The following CUX2 variants were observed in gnomAD, a reference collection of about 807,000 sequenced individuals.
The protein encoded by CUX2 is homeobox protein cut-like 2.
Under a neutral mutation model 144.8 loss-of-function variants are expected in CUX2, and 40 were observed. The observed-to-expected ratio is 0.28, with a 90% confidence interval of 0.21 to 0.36. CUX2 has a LOEUF of 0.36. Ranked by LOEUF, CUX2 falls within the 10% of genes least tolerant of loss-of-function variation. The pLI is 1.00. For missense variants in CUX2, 1,615 were observed against 1,994.0 expected, an observed-to-expected ratio of 0.81 and a Z score of 3.62; for synonymous variants, 827 against 875.6, an observed-to-expected ratio of 0.94 and a Z score of 0.98.
intron 1 of CUX2, among the ~76,000 whole-genome samples, chr12:111,131,667 AC>A (rs1389039764): frequency 5.3e-5 from 8 of 152,210 alleles, no homozygotes; most frequent in African/African-American, 1.7e-4. Flanking sequence ...ATTGGCCAAA[AC>A]AAAGGGGTTA....
intron 18 of CUX2, among the ~76,000 whole-genome samples, chr12:111,330,087 G>A (rs10849935): frequency 0.39 from 59,893 of 152,060 alleles, 15,218 homozygotes; most frequent in East Asian, 0.78. Context: ...ACATGCCCAC[G>A]TCAGCCTTGG....
chr12:111,154,106 G>T (rs1214045357), intron 1 of CUX2, among the ~76,000 whole-genome samples: 2 of 151,968 alleles, frequency 1.3e-5, no homozygotes, highest in Non-Finnish European at 2.9e-5. Flanking sequence ...AGTTCTGGAG[G>T]TTAGGACTTC....
At chr12:111,145,483 C>A (rs1367072052) in intron 1 of CUX2, among the ~76,000 whole-genome samples, 2 of 152,180 alleles carry the variant, frequency 1.3e-5, no homozygotes, top group Non-Finnish European at 2.9e-5. Flanking sequence ...ATCCTCCCAC[C>A]TCAGCCTCCC....
intron 19 of CUX2, among the ~76,000 whole-genome samples, 164 bp downstream of exon 19, chr12:111,334,874 A>G (rs1183724328): frequency 1.3e-5 from 2 of 152,098 alleles, no homozygotes; most frequent in Non-Finnish European, 2.9e-5. Flanking sequence ...TTTGAGGCCA[A>G]CCTGGGCAGC....
rs764951435 is a variant in CUX2 at position 111,171,958 on chromosome 12, CGTGCATGTGCATGCACCTGTGTGT to C, written c.64-42238_64-42215del. 1.6e-4 allele frequency among the ~76,000 whole-genome samples: 25 copies of C among 151,922 alleles called. No individual in the cohort carries two copies. Among genetic ancestry groups the C allele is most frequent in the Non-Finnish European group, 2.8e-4 (19 of 67,962 alleles). Reference sequence around the variant, plus strand: ...GCCTGTGTACACGTGCGTGTGTGTGCGTGCATGTGCATGCACCTGTGTGTGTGTGCATGTGCCTGTGTGTGCGCA... The same window carrying C: ...GCCTGTGTACACGTGCGTGTGTGTGCGTGTGCATGTGCCTGTGTGTGCGCA... On this transcript the variant is annotated intron_variant, in intron 1 of 21. Transcript: ENST00000261726. The surrounding 1 kb of genome is among the most constrained non-coding windows in gnomAD (Gnocchi z 5.0).
chr12:111,337,185 A>G (rs1451989843), intron 19 of CUX2, among the ~76,000 whole-genome samples: 1 of 151,808 alleles, frequency 6.6e-6, no homozygotes, highest in East Asian at 1.9e-4. Flanking sequence ...CAAAAAAATG[A>G]AAAATAAAAA....
intron 16 of CUX2, among the ~76,000 whole-genome samples, chr12:111,313,535 A>G (rs1887015789): frequency 6.6e-6 from 1 of 151,756 alleles, no homozygotes; most frequent in Admixed American, 6.6e-5. Flanking sequence ...CCAGCTACTC[A>G]GGAGGCTGAG....
intron 1 of CUX2, among the ~76,000 whole-genome samples, chr12:111,054,284 C>G (rs1393179786): frequency 6.6e-6 from 1 of 152,196 alleles, no homozygotes; most frequent in South Asian, 2.1e-4. Context: ...TTTGCAAAAC[C>G]TCTGCTGAGC....
intron 1 of CUX2, among the ~76,000 whole-genome samples, chr12:111,139,297 A>G (rs1187723257): frequency 6.6e-6 from 1 of 152,150 alleles, no homozygotes; most frequent in Non-Finnish European, 1.5e-5. Context: ...CGAGTGGTCC[A>G]CAAGTGCTCA....
At chr12:111,209,427 T>A (rs1292005403) in intron 1 of CUX2, among the ~76,000 whole-genome samples, 1 of 152,190 alleles carries the variant, frequency 6.6e-6, no homozygotes, top group East Asian at 1.9e-4. Flanking sequence ...AGCTTAACAT[T>A]GAACTATGGA....
In CUX2 at chr12:111,127,703, C is replaced by T. The variant is rs147022195; in HGVS notation, c.64-86497C>T. Among the ~76,000 whole-genome samples, 178 of 152,252 alleles carry T rather than the reference C, an allele frequency of 1.2e-3. 1 individual carries two copies. Among genetic ancestry groups the T allele is most frequent in the African/African-American group, 3.7e-3 (153 of 41,532 alleles). On this transcript the variant is annotated intron_variant, in intron 1 of 21. Transcript: ENST00000261726. ...TTACAGGTGTATTAATCTGTTCTCACGCTGCTAAGAGACATACCTGAGACT... is the reference window on the plus strand; with the variant it reads ...TTACAGGTGTATTAATCTGTTCTCATGCTGCTAAGAGACATACCTGAGACT...
rs1468950334 is a variant in CUX2 at position 111,160,428 on chromosome 12, G to A, written c.64-53772G>A. Among the ~76,000 whole-genome samples the A allele has an allele frequency of 6.6e-6, 1 of 152,170 alleles. No homozygotes were observed. The highest frequency in any genetic ancestry group is 1.5e-5 in the Non-Finnish European group (1 of 68,018). ...TCGGGACGTGTGTGTAGTGCAGGGT[G>A]TGTGTGAGTGTGTCTGAGCCTTCAT... On this transcript the variant is annotated intron_variant, in intron 1 of 21. Transcript: ENST00000261726. This position sits in a 1 kb window ranked among gnomAD's most constrained non-coding sequence, Gnocchi z 4.1.
At chr12:111,087,172 A>G (rs937543351) in intron 1 of CUX2, among the ~76,000 whole-genome samples, 4 of 152,018 alleles carry the variant, frequency 2.6e-5, no homozygotes, top group Non-Finnish European at 4.4e-5. Flanking sequence ...CCTGGCCAAC[A>G]TGGTGAAACC....
At chr12:111,128,782 G>A (rs1218373097) in intron 1 of CUX2, among the ~76,000 whole-genome samples, 14 of 152,158 alleles carry the variant, frequency 9.2e-5, no homozygotes, top group Admixed American at 9.2e-4. Context: ...ATCCAGATGG[G>A]GGCCTGTCGA....
intron 1 of CUX2, among the ~76,000 whole-genome samples, chr12:111,201,411 A>G (rs556530325): frequency 2.0e-5 from 3 of 152,200 alleles, no homozygotes; most frequent in South Asian, 4.2e-4. Flanking sequence ...CGAGGCTGTA[A>G]GATACATCCA....
At chr12:111,086,552 C>A (rs959110758) in intron 1 of CUX2, among the ~76,000 whole-genome samples, 3 of 152,188 alleles carry the variant, frequency 2.0e-5, no homozygotes, top group Non-Finnish European at 1.5e-5. Flanking sequence ...AGACACTTAA[C>A]ATCACAGAGC....
In CUX2 at chr12:111,310,751, G is replaced by A; in HGVS notation, c.1900+69G>A. ...GTCCAGGGCATCAGGGCTGGGGGCT[G>A]AGGACACGCGCTCTGGGTTCAAAGC... On this transcript the variant is annotated intron_variant, in intron 15 of 21. Coordinates refer to ENST00000261726, the MANE Select transcript of CUX2 (RefSeq NM_015267.4). This position sits in a 1 kb window ranked among gnomAD's most constrained non-coding sequence, Gnocchi z 7.9. The A allele has an allele frequency of 1.3e-6, 2 of 1,495,744 alleles. No individual in the cohort carries two copies. Among genetic ancestry groups the A allele is most frequent in the South Asian group, 1.3e-5 (1 of 76,608 alleles). 92.7% of individuals were successfully genotyped at this position (1,495,744 alleles called of 1,614,324 possible). A position where few individuals can be genotyped will look rare whatever the true frequency, so the allele number is the denominator to read the frequency against.
At chr12:111,153,786 G>C (rs577846758) in intron 1 of CUX2, among the ~76,000 whole-genome samples, 1 of 152,090 alleles carries the variant, frequency 6.6e-6, no homozygotes, top group African/African-American at 2.4e-5. Flanking sequence ...CAGTATATTC[G>C]TTTGCTAGGT....
At chr12:111,266,480 A>C (rs1334512103) in intron 4 of CUX2, among the ~76,000 whole-genome samples, 4 of 151,972 alleles carry the variant, frequency 2.6e-5, no homozygotes, top group African/African-American at 9.7e-5. Flanking sequence ...CAACAAAAAA[A>C]AAAAAAAAAG....
Sources: gnomAD v4.1 joint callset for allele counts (sites outside exome capture counted in the v4.1 genomes callset) on GRCh38, gnomAD v4.1.1 for gene constraint, Gnocchi (gnomAD v3.1) non-coding constraint, MANE v1.5 for transcripts, NCBI Gene and HGNC (gene_info 2026-07-23, HGNC 2026-07-21) for gene names.